Variants in ATF7IP observed in about 807,000 individuals in gnomAD.
The protein encoded by ATF7IP is activating transcription factor 7 interacting protein.
ATF7IP carries 23 observed loss-of-function variants against 106.4 expected under a neutral mutation model. The observed-to-expected ratio is 0.22, with a 90% CI of 0.16 to 0.31. The LOEUF is 0.31. ATF7IP is among the 10% of genes least tolerant of loss of function. ATF7IP has a pLI of 1.00. For missense variants in ATF7IP, 1,334 were observed against 1,524.3 expected (o/e 0.88, Z 2.08); for synonymous variants, 542 against 539.0 (o/e 1.01, Z -0.08).
chr12:14,502,896 A>G lies in ATF7IP; in HGVS notation c.*4823A>G, dbSNP rs1444285252. ...TGGGGTTTTGTCCAGCAAGCCTGAAATTTATACTTTGAAATAAAACTACTG... is the reference window on the plus strand; with the variant it reads ...TGGGGTTTTGTCCAGCAAGCCTGAAGTTTATACTTTGAAATAAAACTACTG... On this transcript the variant is annotated 3_prime_UTR_variant, in exon 15 of 15. Coordinates refer to ENST00000261168, the MANE Select transcript of ATF7IP (RefSeq NM_018179.5). 1 of 152,136 alleles carries G rather than the reference A, an allele frequency of 6.6e-6. No homozygotes were observed. The highest frequency in any genetic ancestry group is 1.5e-5 in the Non-Finnish European group (1 of 68,032). 9.4% of individuals were successfully genotyped at this position (152,136 alleles called of 1,614,324 possible).
At chr12:14,473,288 CTCTGTG>C (rs1309986915) in intron 10 of ATF7IP, among the ~76,000 whole-genome samples, 2,517 of 140,414 alleles carry the variant, frequency 0.018, 46 homozygotes, top group South Asian at 0.048. Flanking sequence ...CTCTCTCTCT[CTCTGTG>C]TGTGTGTGTG....
intron 1 of ATF7IP, among the ~76,000 whole-genome samples, chr12:14,366,629 A>G (rs893285606): frequency 6.6e-6 from 1 of 152,150 alleles, no homozygotes; most frequent in African/African-American, 2.4e-5. Context: ...TGAATTTTAC[A>G]TGTTTTAAGT....
intron 1 of ATF7IP, among the ~76,000 whole-genome samples, chr12:14,383,538 A>G (rs1939084775): frequency 6.6e-6 from 1 of 151,970 alleles, no homozygotes; most frequent in African/African-American, 2.4e-5. Flanking sequence ...CAATTTACCA[A>G]ATCTTGCTTT....
intron 1 of ATF7IP, among the ~76,000 whole-genome samples, chr12:14,380,378 A>G (rs1938950880): frequency 6.6e-6 from 1 of 152,174 alleles, no homozygotes; most frequent in African/African-American, 2.4e-5. Flanking sequence ...TGCCTTATCT[A>G]AATTCGACAG....
intron 1 of ATF7IP, among the ~76,000 whole-genome samples, chr12:14,398,288 T>C (rs575648382): frequency 2.2e-3 from 340 of 152,110 alleles, no homozygotes; most frequent in Non-Finnish European, 3.7e-3. Flanking sequence ...TTTAAGGCTA[T>C]CAGTTTTAAT....
At chr12:14,377,381 T>C (rs983765686) in intron 1 of ATF7IP, among the ~76,000 whole-genome samples, 1 of 151,084 alleles carries the variant, frequency 6.6e-6, no homozygotes, top group African/African-American at 2.4e-5. Context: ...TTTGAGACGT[T>C]GTCTTGCTGT....
chr12:14,498,132 AT>A lies in ATF7IP; in HGVS notation c.*60del, dbSNP rs1945066691. 2 of 1,468,034 alleles carry A rather than the reference AT, an allele frequency of 1.4e-6. No homozygotes were observed. Among genetic ancestry groups the A allele is most frequent in the East Asian group, 4.6e-5 (2 of 43,692 alleles). 90.9% of individuals were successfully genotyped at this position (1,468,034 alleles called of 1,614,324 possible). A position where few individuals can be genotyped will look rare whatever the true frequency, so the allele number is the denominator to read the frequency against. ...TTTCCACCTTTTGGTCTTGTTTTTA[AT>A]CTTGTGCATGATACCCCATGTAAAA... is the stretch of plus-strand genomic sequence containing the variant. On this transcript the variant is annotated 3_prime_UTR_variant, in exon 15 of 15. Transcript: ENST00000261168.
chr12:14,473,401 C>T (rs1409269442), intron 10 of ATF7IP, among the ~76,000 whole-genome samples: 1 of 149,636 alleles, frequency 6.7e-6, no homozygotes, highest in Non-Finnish European at 1.5e-5. Context: ...TTTATGTGTA[C>T]ATTTACCTCC....
chr12:14,418,919 A>G (rs945935465), intron 1 of ATF7IP, among the ~76,000 whole-genome samples: 2 of 152,096 alleles, frequency 1.3e-5, no homozygotes, highest in Non-Finnish European at 2.9e-5. Context: ...GGTGGTGGCA[A>G]TTTAATATTA....
chr12:14,415,215 A>G (rs891283905), intron 1 of ATF7IP, among the ~76,000 whole-genome samples: 2 of 152,158 alleles, frequency 1.3e-5, no homozygotes, highest in African/African-American at 2.4e-5. Context: ...AGGGGGTGTA[A>G]TTTGCTCTAT....
chr12:14,369,437 C>G (rs528268064), intron 1 of ATF7IP: 1 of 152,200 alleles, frequency 6.6e-6, no homozygotes, highest in East Asian at 1.9e-4. Flanking sequence ...TCACTGTAAC[C>G]TCTTCTTGGG....
In ATF7IP at chr12:14,460,577, C is replaced by G. The variant is rs1233221995; in HGVS notation, c.2241C>G (p.Leu747=). 5.0e-6 allele frequency: 8 copies of G among 1,614,222 alleles called. No homozygotes were observed. In the South Asian group the frequency reaches 8.8e-5, roughly 18 times the overall value. ...KLQTPVTSGS[L]TATSVLPAPN... is the part of the protein sequence containing the mutation. Reference sequence around the variant, plus strand: ...AGACTCCAGTGACTTCGGGTTCCCTCACAGCAACGTCAGTTCTTCCTGCAC... The same window carrying G: ...AGACTCCAGTGACTTCGGGTTCCCTGACAGCAACGTCAGTTCTTCCTGCAC... The change falls in exon 9 of 15, where the codon CTC becomes CTG. Residue 747 remains leucine (L), a synonymous_variant. Transcript: ENST00000261168.
intron 13 of ATF7IP, among the ~76,000 whole-genome samples, chr12:14,485,518 G>C (rs574225869): frequency 2.0e-5 from 3 of 152,276 alleles, no homozygotes; most frequent in Admixed American, 2.0e-4. Flanking sequence ...GATCCAATCA[G>C]AATAGTGTCA....
At chr12:14,483,719 C>T (rs1210074732) in intron 13 of ATF7IP, among the ~76,000 whole-genome samples, 2 of 152,038 alleles carry the variant, frequency 1.3e-5, no homozygotes, top group African/African-American at 4.8e-5. Context: ...GCATACACGG[C>T]CTTCTGGAGA....
At chr12:14,470,192 CTCTT>C (rs1391335129) in intron 10 of ATF7IP, among the ~76,000 whole-genome samples, 3 of 152,208 alleles carry the variant, frequency 2.0e-5, no homozygotes, top group Non-Finnish European at 2.9e-5. Context: ...TCTGCGTGAA[CTCTT>C]TCTTCACATT....
chr12:14,424,670 ATGATCTGGCCTCTGG>A lies in ATF7IP; in HGVS notation c.762_776del (p.Ala255_Leu259del). 6.2e-7 allele frequency: 1 copy of A among 1,613,524 alleles called. No individual in the cohort carries two copies. The highest frequency in any genetic ancestry group is 8.5e-7 in the Non-Finnish European group (1 of 1,179,884). ...CCAGCTTCCACTGATCCAGCCTCTG[ATGATCTGGCCTCTGG>A]TGATCTATCCTCTAGTGAACTGGCC... On this transcript the variant is annotated inframe_deletion, in exon 2 of 15. Transcript: ENST00000261168.
intron 1 of ATF7IP, among the ~76,000 whole-genome samples, chr12:14,382,733 G>A (rs1466995888): frequency 6.6e-6 from 1 of 152,128 alleles, no homozygotes; most frequent in African/African-American, 2.4e-5. Flanking sequence ...CTATACTATG[G>A]AAGAGAATGG....
chr12:14,377,210 G>A (rs563363229), intron 1 of ATF7IP, among the ~76,000 whole-genome samples: 47 of 152,098 alleles, frequency 3.1e-4, no homozygotes, highest in Admixed American at 1.2e-3. Flanking sequence ...GGCCAGGCTA[G>A]TCTCGAACTC....
chr12:14,439,579 T>C (rs1427235983), intron 5 of ATF7IP, among the ~76,000 whole-genome samples: 2 of 152,156 alleles, frequency 1.3e-5, no homozygotes, highest in African/African-American at 2.4e-5. Context: ...GCCTGTGAGC[T>C]CAGCACTTTA....
Sources: gnomAD v4.1 joint callset for allele counts (sites outside exome capture counted in the v4.1 genomes callset) on GRCh38, gnomAD v4.1.1 for gene constraint, MANE v1.5 for transcripts, NCBI Gene and HGNC (gene_info 2026-07-23, HGNC 2026-07-21) for gene names.